Variants in ABR observed in about 807,000 individuals in gnomAD.
The protein encoded by ABR is ABR activator of RhoGEF and GTPase.
A neutral mutation model predicts 107.2 loss-of-function variants in ABR; 35 were observed. The ratio of observed to expected loss-of-function variants is 0.33; its 90% confidence interval spans 0.25 to 0.43. The LOEUF (loss-of-function observed/expected upper bound fraction) is 0.43, where lower values mean the gene tolerates loss of function less well. Ranked by LOEUF, ABR falls within the 20% of genes least tolerant of loss-of-function variation. The pLI is 1.00. For synonymous variants in ABR, 498 were observed against 462.0 expected (o/e 1.08, Z -1.00); for missense variants, 815 against 1,115.2 (o/e 0.73, Z 3.83).
At chr17:1,020,459 G>T (rs1489518833) in intron 16 of ABR, among the ~76,000 whole-genome samples, 1 of 152,202 alleles carries the variant, frequency 6.6e-6, no homozygotes, top group South Asian at 2.1e-4. Flanking sequence ...AAAGAGAAAC[G>T]CTGGCGCTGG....
intron 1 of ABR, among the ~76,000 whole-genome samples, chr17:1,216,342 T>C (rs2043009327): frequency 6.6e-6 from 1 of 152,184 alleles, no homozygotes; most frequent in Non-Finnish European, 1.5e-5. Flanking sequence ...CTGTGTCATT[T>C]GCCTAGAGTC....
At chr17:1,158,311 G>A (rs945502303) in intron 1 of ABR, among the ~76,000 whole-genome samples, 1 of 151,402 alleles carries the variant, frequency 6.6e-6, no homozygotes, top group Non-Finnish European at 1.5e-5. Context: ...GCCCAGGCTG[G>A]TCTCAAACTC....
rs2261310 is a variant in ABR at position 1,055,806 on chromosome 17, G to T, written c.1561+229C>A. On this transcript the variant is annotated intron_variant, in intron 14 of 22. Transcript: ENST00000302538. ...CCTCCCAAAGTGCTGGGATTACAGG[G>T]GTGAGCCACCGCGCCCGGCCCCTAG... The T allele has an allele frequency of 1.2e-5, 6 of 509,794 alleles. No individual in the cohort carries two copies. The Admixed American group carries it at 1.2e-4, about 10-fold the overall frequency. The allele number at this position is 509,794 out of a possible 1,614,324, so 31.6% of individuals were successfully genotyped here.
rs116871011 is a variant in ABR at position 1,153,833 on chromosome 17, C to G, written c.61+25834G>C. On this transcript the variant is annotated intron_variant, in intron 1 of 22. Transcript: ENST00000302538. ...ACGGGAGGGCTGGGTCCAGGTCTAC[C>G]GAACCTGTCAGCCTGTCACACGCAT... 362 of 218,680 alleles carry G rather than the reference C, an allele frequency of 1.7e-3. 29 individuals carry two copies. In the East Asian group the frequency reaches 0.056, roughly 34 times the overall value. The allele number at this position is 218,680 out of a possible 1,614,324, so 13.5% of individuals were successfully genotyped here.
rs1319503897 is a variant in ABR, at chr17:1,084,014, A to AG, written c.532-388dup. 1.3e-5 allele frequency among the ~76,000 whole-genome samples: 2 copies of AG among 151,352 alleles called. No homozygotes were observed. The highest frequency in any genetic ancestry group is 4.9e-5 in the African/African-American group (2 of 41,094). Reference sequence around the variant, plus strand: ...CTGGAATTAGCCGGAGCAGGGAGAGAGGGGGGTGTGTGTGCTGGGGGGAGC... The same window carrying AG: ...CTGGAATTAGCCGGAGCAGGGAGAGAGGGGGGGTGTGTGTGCTGGGGGGAGC... On this transcript the variant is annotated intron_variant, in intron 4 of 22. Transcript: ENST00000302538. This position sits in a 1 kb window ranked among gnomAD's most constrained non-coding sequence, Gnocchi z 4.2.
chr17:1,184,591 C>T (rs1442119264), upstream of ABR, among the ~76,000 whole-genome samples: 4 of 152,248 alleles, frequency 2.6e-5, no homozygotes, highest in Middle Eastern at 3.4e-3. Flanking sequence ...AGCTTTCTGC[C>T]GAGCGCCCAG....
At position 1,215,188 on chromosome 17, in the gene ABR, C is replaced by G. The variant is rs568243149; in HGVS notation, c.838+13605G>C. On this transcript the variant is annotated intron_variant, in intron 1 of 22. Transcript: ENST00000574139. ...TGAGCCTAGATCTCCCCACTACACTCTAGCCTGGGTGACAGAGCAAGACTC... is the reference window on the plus strand; with the variant it reads ...TGAGCCTAGATCTCCCCACTACACTGTAGCCTGGGTGACAGAGCAAGACTC... 2.2e-3 allele frequency among the ~76,000 whole-genome samples: 337 copies of G among 150,444 alleles called. 4 individuals carry two copies. Among genetic ancestry groups the G allele is most frequent in the Non-Finnish European group, 6.8e-4 (46 of 67,700 alleles).
At chr17:1,140,821 G>C (rs2040256208) in intron 1 of ABR, among the ~76,000 whole-genome samples, 1 of 151,994 alleles carries the variant, frequency 6.6e-6, no homozygotes, top group African/African-American at 2.4e-5. Flanking sequence ...GACCTCAAGT[G>C]ATCCGCCCAC....
intron 3 of ABR, among the ~76,000 whole-genome samples, chr17:1,094,017 CGCTGTGCT>C (rs2037219985): frequency 6.6e-6 from 1 of 151,990 alleles, no homozygotes; most frequent in African/African-American, 2.4e-5. Flanking sequence ...TTCTGACCCT[CGCTGTGCT>C]AGAATCAATG....
At chr17:1,122,560 C>G (rs756952645) in intron 2 of ABR, among the ~76,000 whole-genome samples, 1 of 152,220 alleles carries the variant, frequency 6.6e-6, no homozygotes, top group Non-Finnish European at 1.5e-5. Context: ...GAAACACTGG[C>G]TCTTCCTGAG....
At chr17:1,176,229 G>A (rs2041915176) in intron 1 of ABR, among the ~76,000 whole-genome samples, 1 of 152,302 alleles carries the variant, frequency 6.6e-6, no homozygotes. Context: ...CAGCCCCCAG[G>A]TCCTGCAAGA....
chr17:1,068,786 C>A (rs1398012027), intron 9 of ABR, among the ~76,000 whole-genome samples: 5 of 152,230 alleles, frequency 3.3e-5, no homozygotes, highest in African/African-American at 1.2e-4. Context: ...CCAGTCCCAC[C>A]TGTGCCTCTA....
intron 10 of ABR, among the ~76,000 whole-genome samples, chr17:1,062,936 C>A (rs1298619337): frequency 7.0e-6 from 1 of 143,718 alleles, no homozygotes; most frequent in South Asian, 2.3e-4. Flanking sequence ...GAACTGAGGG[C>A]TATGCATGTT....
chr17:1,087,682 C>T (rs540374576), intron 4 of ABR, among the ~76,000 whole-genome samples: 1 of 152,212 alleles, frequency 6.6e-6, no homozygotes, highest in Non-Finnish European at 1.5e-5. Context: ...GCATACTAGA[C>T]AGTCGCTGCC....
At chr17:1,180,828 C>G (rs1216989943), upstream of ABR, among the ~76,000 whole-genome samples, 1 of 152,212 alleles carries the variant, frequency 6.6e-6, no homozygotes, top group South Asian at 2.1e-4. Flanking sequence ...CTCCTGTGGG[C>G]TGATTCTGTG....
chr17:1,188,539 G>A (rs2042363562), upstream of ABR, among the ~76,000 whole-genome samples: 2 of 121,206 alleles, frequency 1.7e-5, no homozygotes, highest in African/African-American at 6.3e-5. Context: ...GACAGAGGGA[G>A]ACTCCGTCTC....
intron 16 of ABR, 23 bp from the exon 17 acceptor site, chr17:1,013,187 A>C (rs1273952965): frequency 6.2e-7 from 1 of 1,612,538 alleles, no homozygotes; most frequent in South Asian, 1.1e-5. Context: ...AATGTGGGTG[A>C]GAGAGGTGCC....
At chr17:1,227,307 G>T (rs535945704) in intron 1 of ABR, among the ~76,000 whole-genome samples, 3 of 152,242 alleles carry the variant, frequency 2.0e-5, no homozygotes, top group Admixed American at 6.5e-5. Context: ...TGTGGGTCTG[G>T]GGGGAGACAG....
intron 16 of ABR, among the ~76,000 whole-genome samples, chr17:1,020,539 A>T (rs918199935): frequency 1.3e-5 from 2 of 152,150 alleles, no homozygotes; most frequent in Admixed American, 1.3e-4. Flanking sequence ...CCGGGTTGAA[A>T]TGGGGCTCCG....
Sources: allele counts gnomAD v4.1 joint callset (sites outside exome capture counted in the v4.1 genomes callset), GRCh38; gene constraint gnomAD v4.1.1; non-coding constraint Gnocchi (gnomAD v3.1); transcripts MANE v1.5; gene names NCBI Gene and HGNC (gene_info 2026-07-23, HGNC 2026-07-21).